The following PVT1 variants were observed in gnomAD, a reference collection of about 807,000 sequenced individuals.
PVT1 encodes the protein Pvt1 oncogene.
intron 5 of PVT1, among the ~76,000 whole-genome samples, chr8:128,092,617 A>C (rs1814373169): frequency 6.6e-6 from 1 of 152,118 alleles, no homozygotes; most frequent in African/African-American, 2.4e-5. Flanking sequence ...TGGGCAAGAT[A>C]ATTGAGCCCA....
At chr8:127,936,428 A>G (rs1816275700) in intron 3 of PVT1, among the ~76,000 whole-genome samples, 1 of 152,140 alleles carries the variant, frequency 6.6e-6, no homozygotes, top group South Asian at 2.1e-4. Context: ...GGATCACTCC[A>G]TTGTGCCAGC....
intron 2 of PVT1, among the ~76,000 whole-genome samples, chr8:127,880,201 G>A (rs1436939188): frequency 1.3e-5 from 2 of 152,200 alleles, no homozygotes; most frequent in Admixed American, 1.3e-4. Flanking sequence ...TTTCATGTTT[G>A]ATATGATTTC....
At chr8:128,041,178 G>A (rs1252314301) in intron 4 of PVT1, among the ~76,000 whole-genome samples, 2 of 148,860 alleles carry the variant, frequency 1.3e-5, no homozygotes, top group Non-Finnish European at 1.5e-5. Flanking sequence ...GCATGTGTTT[G>A]TGTTTTGTGC....
chr8:127,813,180 T>A (rs1275352819), intron 2 of PVT1, among the ~76,000 whole-genome samples: 1 of 147,418 alleles, frequency 6.8e-6, no homozygotes, highest in African/African-American at 2.5e-5. Context: ...TACAAATATA[T>A]ATAATATATA....
intron 3 of PVT1, among the ~76,000 whole-genome samples, chr8:127,937,580 C>CACACACACACACACACACACAGAG (rs59006608): frequency 1.8e-3 from 198 of 107,800 alleles, no homozygotes; most frequent in African/African-American, 6.2e-3. Flanking sequence ...CACACACACA[C>CACACACACACACACACACACAGAG]AGAGAGAGAG....
At chr8:127,914,288 A>AAAAAAAAAAAAAAAG (rs1815952181) in intron 3 of PVT1, among the ~76,000 whole-genome samples, 1 of 117,694 alleles carries the variant, frequency 8.5e-6, no homozygotes, top group African/African-American at 3.7e-5. Context: ...AAAAAAAAAA[A>AAAAAAAAAAAAAAAG]AAAAAAAAAA....
chr8:127,858,243 T>C (rs894692021), intron 2 of PVT1, among the ~76,000 whole-genome samples: 2 of 151,948 alleles, frequency 1.3e-5, no homozygotes, highest in Middle Eastern at 3.4e-3. Context: ...TGTGTCTCTA[T>C]TGGAAATACA....
At chr8:127,903,459 GT>G (rs1815783771) in intron 3 of PVT1, among the ~76,000 whole-genome samples, 3 of 152,106 alleles carry the variant, frequency 2.0e-5, no homozygotes, top group Admixed American at 6.5e-5. Context: ...GTCAATTTTT[GT>G]TTTTGTTGCA....
chr8:127,884,092 G>A (rs965680596), intron 2 of PVT1, among the ~76,000 whole-genome samples: 6 of 152,234 alleles, frequency 3.9e-5, no homozygotes, highest in African/African-American at 1.4e-4. Context: ...CTGAACCTGA[G>A]TGTGGAGCCA....
chr8:127,892,127 A>G (rs1417194857), intron 3 of PVT1, among the ~76,000 whole-genome samples: 2 of 152,166 alleles, frequency 1.3e-5, no homozygotes, highest in African/African-American at 2.4e-5. Flanking sequence ...TTTTGATTGG[A>G]TTCCTAGTTC....
At chr8:127,913,310 G>A (rs543198755) in intron 3 of PVT1, among the ~76,000 whole-genome samples, 1 of 152,292 alleles carries the variant, frequency 6.6e-6, no homozygotes, top group South Asian at 2.1e-4. Context: ...GGCGCAACAT[G>A]CTCTTCATAT....
intron 4 of PVT1, among the ~76,000 whole-genome samples, chr8:128,055,095 A>C (rs1813747710): frequency 6.6e-6 from 1 of 152,126 alleles, no homozygotes. Flanking sequence ...TAGAATTTAG[A>C]CTTAACAGTC....
intron 4 of PVT1, among the ~76,000 whole-genome samples, chr8:127,998,546 TC>T (rs1173026260): frequency 7.3e-5 from 11 of 150,496 alleles, no homozygotes; most frequent in African/African-American, 2.7e-4. Context: ...TCTCTCTCTC[TC>T]TCTCTCTCTC....
At chr8:128,063,373 G>A (rs1219212731) in intron 4 of PVT1, among the ~76,000 whole-genome samples, 1 of 152,110 alleles carries the variant, frequency 6.6e-6, no homozygotes, top group African/African-American at 2.4e-5. Context: ...TTAGCCAGGT[G>A]CGGTGGAGGA....
intron 2 of PVT1, among the ~76,000 whole-genome samples, chr8:127,885,886 T>G (rs1815516945): frequency 6.6e-6 from 1 of 152,198 alleles, no homozygotes. Flanking sequence ...TACTTGAGCT[T>G]CCTTTTGAAG....
At chr8:127,984,873 CTT>C (rs201063513) in intron 3 of PVT1, among the ~76,000 whole-genome samples, 1,032 of 83,084 alleles carry the variant, frequency 0.012, 21 homozygotes, top group Non-Finnish European at 0.014. Context: ...TTCTTTCTTT[CTT>C]TCTTTCTTTC....
chr8:127,915,816 T>TC, intron 3 of PVT1, among the ~76,000 whole-genome samples: 1 of 152,344 alleles, frequency 6.6e-6, no homozygotes, highest in African/African-American at 2.4e-5. Flanking sequence ...TCTATGTTCC[T>TC]CTTCCTCTAC....
chr8:127,875,026 T>G (rs1815390611), intron 2 of PVT1, among the ~76,000 whole-genome samples: 1 of 152,002 alleles, frequency 6.6e-6, no homozygotes, highest in African/African-American at 2.4e-5. Flanking sequence ...ACCCCTTGGG[T>G]GCCTGTGTAT....
intron 4 of PVT1, among the ~76,000 whole-genome samples, chr8:128,061,704 T>C (rs73710129): frequency 0.074 from 11,305 of 152,264 alleles, 544 homozygotes; most frequent in African/African-American, 0.13. Context: ...GTGCTAGAAG[T>C]CAGTACAGTG....
Sources: gnomAD v4.1 joint callset for allele counts (sites outside exome capture counted in the v4.1 genomes callset) on GRCh38, gnomAD v4.1.1 for gene constraint, MANE v1.5 for transcripts, NCBI Gene and HGNC (gene_info 2026-07-23, HGNC 2026-07-21) for gene names.